Variants in ADAMTSL1 observed in about 807,000 individuals in gnomAD.
The protein encoded by ADAMTSL1 is ADAMTS like 1.
In ADAMTSL1, 126 loss-of-function variants were observed where a neutral mutation model predicts 201.8. That is an observed-to-expected ratio of 0.62 (90% CI 0.54 to 0.72). The LOEUF (loss-of-function observed/expected upper bound fraction) is 0.72. Ranked by LOEUF, ADAMTSL1 falls within the 30% of genes least tolerant of loss-of-function variation. The pLI is 0.00. For missense variants in ADAMTSL1, 2,679 were observed against 2,277.8 expected, an observed-to-expected ratio of 1.18 and a Z score of -3.59; for synonymous variants, 1,121 against 903.4, an observed-to-expected ratio of 1.24 and a Z score of -4.32.
intron 2 of ADAMTSL1, among the ~76,000 whole-genome samples, chr9:18,352,778 G>T (rs977228155): frequency 2.0e-5 from 3 of 152,104 alleles, no homozygotes; most frequent in Non-Finnish European, 4.4e-5. Flanking sequence ...AGTCATAAAA[G>T]GTTATGCAGG....
intron 2 of ADAMTSL1, among the ~76,000 whole-genome samples, chr9:18,467,313 T>G (rs571696963): frequency 1.3e-5 from 2 of 152,084 alleles, no homozygotes; most frequent in South Asian, 2.1e-4. Flanking sequence ...AATGCCAAAT[T>G]AAAAAATAGA....
chr9:18,147,858 C>T (rs994185121), intron 1 of ADAMTSL1, among the ~76,000 whole-genome samples: 1 of 152,106 alleles, frequency 6.6e-6, no homozygotes, highest in African/African-American at 2.4e-5. Context: ...GTGTATTCCA[C>T]TATTCTCTAC....
chr9:18,028,850 G>A (rs997963459), intron 1 of ADAMTSL1, among the ~76,000 whole-genome samples: 11 of 152,112 alleles, frequency 7.2e-5, no homozygotes, highest in African/African-American at 2.7e-4. Context: ...ATTACCTTGG[G>A]CAGTATGGCC....
intron 1 of ADAMTSL1, among the ~76,000 whole-genome samples, chr9:18,162,244 G>C (rs1827422001): frequency 6.6e-6 from 1 of 151,920 alleles, no homozygotes; most frequent in African/African-American, 2.4e-5. Context: ...TCAAGTCCTT[G>C]TTACACTTTA....
intron 3 of ADAMTSL1, among the ~76,000 whole-genome samples, chr9:18,554,025 T>C (rs1820952651): frequency 6.6e-6 from 1 of 151,896 alleles, no homozygotes; most frequent in Non-Finnish European, 1.5e-5. Flanking sequence ...TACATCTTTG[T>C]CTCTCTATAT....
intron 2 of ADAMTSL1, among the ~76,000 whole-genome samples, chr9:18,261,504 C>T (rs1018033924): frequency 6.6e-6 from 1 of 152,190 alleles, no homozygotes; most frequent in Non-Finnish European, 1.5e-5. Flanking sequence ...AGACTTTTCA[C>T]CCATGGACAC....
intron 2 of ADAMTSL1, among the ~76,000 whole-genome samples, chr9:18,343,566 T>C (rs1377287760): frequency 1.3e-5 from 2 of 152,174 alleles, no homozygotes; most frequent in Non-Finnish European, 2.9e-5. Context: ...TCAGTGCAAT[T>C]GAACTAAAAT....
intron 1 of ADAMTSL1, among the ~76,000 whole-genome samples, chr9:18,123,430 C>G (rs976868983): frequency 6.6e-6 from 1 of 152,112 alleles, no homozygotes; most frequent in African/African-American, 2.4e-5. Context: ...TATTTAAAAT[C>G]CTCACAGATC....
At chr9:18,689,379 A>G (rs1355964631) in intron 13 of ADAMTSL1, among the ~76,000 whole-genome samples, 2 of 152,188 alleles carry the variant, frequency 1.3e-5, no homozygotes, top group Non-Finnish European at 2.9e-5. Context: ...GTTGTTGGAT[A>G]GGAAGTCATT....
At chr9:18,278,172 G>A (rs1264885963) in intron 2 of ADAMTSL1, among the ~76,000 whole-genome samples, 1 of 152,020 alleles carries the variant, frequency 6.6e-6, no homozygotes, top group African/African-American at 2.4e-5. Context: ...ACTTTTATAA[G>A]AATCAAAAGG....
intron 1 of ADAMTSL1, among the ~76,000 whole-genome samples, chr9:18,001,761 C>T (rs1485520869): frequency 6.6e-6 from 1 of 151,910 alleles, no homozygotes; most frequent in Non-Finnish European, 1.5e-5. Context: ...GTGGAGAGCT[C>T]TAGGCATTGT....
intron 1 of ADAMTSL1, among the ~76,000 whole-genome samples, chr9:17,992,467 T>C (rs1819197429): frequency 6.6e-6 from 1 of 152,208 alleles, no homozygotes; most frequent in South Asian, 2.1e-4. Context: ...TTTGTTTCTT[T>C]TCAGATGAAT....
At chr9:18,703,070 T>C (rs1197340454) in intron 13 of ADAMTSL1, among the ~76,000 whole-genome samples, 1 of 152,160 alleles carries the variant, frequency 6.6e-6, no homozygotes, top group Admixed American at 6.6e-5. Context: ...AGAAGAATTT[T>C]TAAACTTCCC....
intron 11 of ADAMTSL1, 119 bp from the exon 12 acceptor site, chr9:18,681,693 C>T (rs927908697): frequency 3.4e-5 from 10 of 293,614 alleles, no homozygotes; most frequent in African/African-American, 9.3e-5. Flanking sequence ...CAGGAGTCCT[C>T]GTGTGGGGGG....
At chr9:18,775,947 A>C (rs1255350681) in intron 18 of ADAMTSL1, 51 bp downstream of exon 18, 2 of 1,555,938 alleles carry the variant, frequency 1.3e-6, no homozygotes, top group East Asian at 4.8e-5. Context: ...ACACAGCAGC[A>C]GCTATAGCCA....
chr9:18,817,270 A>G, intron 21 of ADAMTSL1, 33 bp downstream of exon 21: 1 of 1,546,422 alleles, frequency 6.5e-7, no homozygotes, highest in Non-Finnish European at 8.7e-7. Context: ...TTCACACGTT[A>G]ATGGAGCCCT....
intron 1 of ADAMTSL1, among the ~76,000 whole-genome samples, chr9:17,969,009 G>C (rs1818092926): frequency 6.6e-6 from 1 of 151,906 alleles, no homozygotes; most frequent in African/African-American, 2.4e-5. Context: ...CCTACTTCAG[G>C]AGTTCTGTAT....
chr9:18,602,563 C>G (rs1035420656), intron 4 of ADAMTSL1, among the ~76,000 whole-genome samples: 1 of 152,140 alleles, frequency 6.6e-6, no homozygotes, highest in Non-Finnish European at 1.5e-5. Context: ...CTTTATTGTT[C>G]CAGGGTATTG....
At chr9:18,627,540 G>A (rs1025877622) in intron 5 of ADAMTSL1, among the ~76,000 whole-genome samples, 3 of 152,208 alleles carry the variant, frequency 2.0e-5, no homozygotes, top group African/African-American at 7.2e-5. Context: ...AGCTCTGGAA[G>A]CATTGAGGGA....
Sources: allele counts gnomAD v4.1 joint callset (sites outside exome capture counted in the v4.1 genomes callset), GRCh38; gene constraint gnomAD v4.1.1; transcripts MANE v1.5; gene names NCBI Gene and HGNC (gene_info 2026-07-23, HGNC 2026-07-21).